FAM76A: variants seen among roughly 807,000 people sequenced by gnomAD.
The protein encoded by FAM76A is family with sequence similarity 76 member A, also known as protein FAM76A.
Under a neutral mutation model 46.2 loss-of-function variants are expected in FAM76A, and 32 were observed. The observed-to-expected ratio is 0.69, with a 90% CI of 0.52 to 0.93. FAM76A has a LOEUF of 0.93. FAM76A is among the 40% of genes least tolerant of loss of function. The pLI is 0.00. For missense variants in FAM76A, 274 were observed against 361.5 expected, an observed-to-expected ratio of 0.76 and a Z score of 1.96; for synonymous variants, 137 against 127.0, an observed-to-expected ratio of 1.08 and a Z score of -0.53.
In FAM76A at chr1:27,726,052, C is replaced by T. The variant is rs1035939334; in HGVS notation, c.-29C>T. 9.8e-5 allele frequency: 121 copies of T among 1,240,772 alleles called. 1 individual carries two copies. The highest frequency in any genetic ancestry group is 9.6e-5 in the East Asian group (3 of 31,202). 76.9% of individuals were successfully genotyped at this position (1,240,772 alleles called of 1,614,324 possible). The stretch of plus-strand genomic sequence containing the variant: ...CAGATAAATCGGCGGGCCGGGCCGG[C>T]GGGTCGGTGAGCGCGGCCCGGGCCG... On this transcript the variant is annotated 5_prime_UTR_variant, in exon 1 of 9. Transcript: ENST00000373954.
intron 6 of FAM76A, among the ~76,000 whole-genome samples, chr1:27,752,562 A>G (rs1007010096): frequency 5.9e-5 from 9 of 152,176 alleles, no homozygotes; most frequent in Non-Finnish European, 4.4e-5. Context: ...TATTGTTTCT[A>G]AAGGACATTC....
intron 8 of FAM76A, chr1:27,760,270 G>T: frequency 4.8e-6 from 2 of 416,146 alleles, no homozygotes; most frequent in Non-Finnish European, 9.1e-6. Flanking sequence ...TTGTAACAGT[G>T]GGTCCCAAGA....
In FAM76A at chr1:27,759,487, C is replaced by T. The variant is rs188215445; in HGVS notation, c.736-39C>T. ...CTGAAAGCAATTTTTTTTTATTGCA[C>T]AGAAATTTCTTCTGGTTATTCTGCC... On this transcript the variant is annotated intron_variant, in intron 7 of 8. Coordinates refer to ENST00000373954, the MANE Select transcript of FAM76A (RefSeq NM_152660.3). The T allele has an allele frequency of 2.5e-5, 36 of 1,465,068 alleles. No individual in the cohort carries two copies. The Admixed American group carries it at 4.5e-4, about 18-fold the overall frequency. 90.8% of individuals were successfully genotyped at this position (1,465,068 alleles called of 1,614,324 possible). A position where few individuals can be genotyped will look rare whatever the true frequency, so the allele number is the denominator to read the frequency against.
chr1:27,734,881 A>G (rs953853249), intron 4 of FAM76A, among the ~76,000 whole-genome samples: 1 of 152,272 alleles, frequency 6.6e-6, no homozygotes, highest in African/African-American at 2.4e-5. Context: ...TTACAAGATT[A>G]CATTAGAGGG....
intron 5 of FAM76A, among the ~76,000 whole-genome samples, chr1:27,747,150 T>C (rs997132187): frequency 1.3e-5 from 2 of 152,152 alleles, no homozygotes; most frequent in Non-Finnish European, 2.9e-5. Context: ...GGACCTAGGA[T>C]AGAGGCCAGG....
At position 27,726,174 on chromosome 1, in the gene FAM76A, G is replaced by A. The variant is rs1166427793; in HGVS notation, c.81+13G>A. The A allele has an allele frequency of 7.8e-7, 1 of 1,275,646 alleles. No individual in the cohort carries two copies. Among genetic ancestry groups the A allele is most frequent in the Non-Finnish European group, 9.9e-7 (1 of 1,010,782 alleles). 79.0% of individuals were successfully genotyped at this position (1,275,646 alleles called of 1,614,324 possible). A position where few individuals can be genotyped will look rare whatever the true frequency, so the allele number is the denominator to read the frequency against. On this transcript the variant is annotated intron_variant, in intron 1 of 8. Coordinates refer to ENST00000373954, the MANE Select transcript of FAM76A (RefSeq NM_152660.3). Reference sequence around the variant, plus strand: ...GCAGCTGTGCAAGGTGCGCGGGCTGGGGCGGCGGCCGGGAACTGGGGACGC... The same window carrying A: ...GCAGCTGTGCAAGGTGCGCGGGCTGAGGCGGCGGCCGGGAACTGGGGACGC...
intron 2 of FAM76A, among the ~76,000 whole-genome samples, chr1:27,728,288 C>G (rs887077172): frequency 3.5e-4 from 54 of 152,234 alleles, no homozygotes; most frequent in African/African-American, 1.3e-3. Context: ...ATGTGACAAT[C>G]CTGATAAGAG....
rs78022313 is a variant in FAM76A at position 27,747,609 on chromosome 1, C to G, written c.513-1459C>G. Reference sequence around the variant, plus strand: ...TGACTGAGATACCAGTAGGTTAACACAAATATAGTGAAGAAGAACTAGACT... The same window carrying G: ...TGACTGAGATACCAGTAGGTTAACAGAAATATAGTGAAGAAGAACTAGACT... On this transcript the variant is annotated intron_variant, in intron 5 of 8. Coordinates refer to ENST00000373954, the MANE Select transcript of FAM76A (RefSeq NM_152660.3). 6.8e-3 allele frequency among the ~76,000 whole-genome samples: 1,031 copies of G among 152,186 alleles called. 5 individuals carry two copies. The highest frequency in any genetic ancestry group is 0.011 in the Non-Finnish European group (770 of 68,004).
At chr1:27,756,636 T>C (rs186288218) in intron 7 of FAM76A, among the ~76,000 whole-genome samples, 1 of 152,282 alleles carries the variant, frequency 6.6e-6, no homozygotes, top group Admixed American at 6.5e-5. Flanking sequence ...TTCTATCTTA[T>C]ATTTCTAATA....
intron 4 of FAM76A, among the ~76,000 whole-genome samples, chr1:27,738,047 T>C (rs753522844): frequency 4.0e-5 from 6 of 151,668 alleles, no homozygotes; most frequent in Non-Finnish European, 8.8e-5. Context: ...AATGAGACCC[T>C]ATCTATAAAA....
chr1:27,745,714 T>A (rs1223910468), intron 5 of FAM76A, among the ~76,000 whole-genome samples: 1 of 152,146 alleles, frequency 6.6e-6, no homozygotes, highest in African/African-American at 2.4e-5. Flanking sequence ...GCAAGCAGGC[T>A]TGGAGAAGAG....
intron 6 of FAM76A, among the ~76,000 whole-genome samples, chr1:27,754,094 CCCTT>C (rs1472091466): frequency 1.3e-5 from 2 of 149,464 alleles, no homozygotes; most frequent in Non-Finnish European, 3.0e-5. Flanking sequence ...CTGAAACTAT[CCCTT>C]CTTTTTTTTT....
chr1:27,727,260 C>A (rs1488052457), intron 1 of FAM76A, among the ~76,000 whole-genome samples: 1 of 152,066 alleles, frequency 6.6e-6, no homozygotes, highest in Non-Finnish European at 1.5e-5. Context: ...ATGGCTAGTT[C>A]CATATAATCC....
At chr1:27,744,502 G>C in intron 4 of FAM76A, 152 bp from the exon 5 acceptor site, 1 of 736,904 alleles carries the variant, frequency 1.4e-6, no homozygotes, top group Non-Finnish European at 2.3e-6. Context: ...TATGTCACTA[G>C]ATCCTTGTAG....
chr1:27,736,217 G>A (rs2088041676), intron 4 of FAM76A, among the ~76,000 whole-genome samples: 1 of 152,140 alleles, frequency 6.6e-6, no homozygotes, highest in East Asian at 1.9e-4. Context: ...AGCTACTTGG[G>A]AGGCTGAAGC....
intron 2 of FAM76A, among the ~76,000 whole-genome samples, chr1:27,727,800 A>ATTTTTTTT (rs10716346): frequency 3.1e-5 from 2 of 64,558 alleles, no homozygotes; most frequent in Non-Finnish European, 6.0e-5. Flanking sequence ...GATTGCTTAA[A>ATTTTTTTT]TTTTTTTTTT....
At chr1:27,757,409 C>G (rs2088428386) in intron 7 of FAM76A, among the ~76,000 whole-genome samples, 1 of 151,940 alleles carries the variant, frequency 6.6e-6, no homozygotes, top group African/African-American at 2.4e-5. Context: ...CTCTGTCACC[C>G]AAGCTGGAGT....
chr1:27,749,429 G>A (rs1023455976), intron 6 of FAM76A, among the ~76,000 whole-genome samples: 1 of 151,996 alleles, frequency 6.6e-6, no homozygotes, highest in Non-Finnish European at 1.5e-5. Context: ...GTGCAGTGGC[G>A]CGATTTTGGC....
intron 4 of FAM76A, chr1:27,740,369 A>C: frequency 1.7e-6 from 2 of 1,167,898 alleles, no homozygotes; most frequent in Non-Finnish European, 2.6e-6. Context: ...TGGTTATCAC[A>C]GTGGAACCTG....
Sources: gnomAD v4.1 joint callset for allele counts (sites outside exome capture counted in the v4.1 genomes callset) on GRCh38, gnomAD v4.1.1 for gene constraint, MANE v1.5 for transcripts, NCBI Gene and HGNC (gene_info 2026-07-23, HGNC 2026-07-21) for gene names.